Variants in IL1RAPL1 observed in about 807,000 individuals in gnomAD.
IL1RAPL1 encodes interleukin 1 receptor accessory protein like 1, also known as interleukin-1 receptor accessory protein-like 1.
A neutral mutation model predicts 48.4 loss-of-function variants in IL1RAPL1; 3 were observed. That is an observed-to-expected ratio of 0.06 (90% CI 0.03 to 0.16). The LOEUF (loss-of-function observed/expected upper bound fraction) is 0.16. Ranked by LOEUF, IL1RAPL1 falls within the 10% of genes least tolerant of loss-of-function variation. The probability of loss-of-function intolerance (pLI) is 1.00; values close to 1 mark genes in which losing one functional copy is unlikely to be tolerated. For missense variants in IL1RAPL1, 349 were observed against 530.6 expected, an observed-to-expected ratio of 0.66 and a Z score of 3.36; for synonymous variants, 185 against 187.7, an observed-to-expected ratio of 0.99 and a Z score of 0.12.
intron 3 of IL1RAPL1, among the ~76,000 whole-genome samples, chrX:29,324,532 C>G (rs1465593753): frequency 2.7e-5 from 3 of 111,682 alleles, no homozygotes; most frequent in African/African-American, 9.8e-5. Flanking sequence ...CAGGAACTCT[C>G]TCTGGTATGG....
intron 5 of IL1RAPL1, among the ~76,000 whole-genome samples, chrX:29,530,905 G>A (rs1413378901): frequency 8.9e-6 from 1 of 111,975 alleles, no homozygotes; most frequent in South Asian, 3.7e-4. Flanking sequence ...TTATTTGTTC[G>A]AACCTTTGGT....
At position 29,447,743 on chromosome X, in the gene IL1RAPL1, A is replaced by G. The variant is rs771637145; in HGVS notation, c.703+48435A>G. On this transcript the variant is annotated intron_variant, in intron 5 of 10. Coordinates refer to ENST00000378993, the MANE Select transcript of IL1RAPL1 (RefSeq NM_014271.4). Reference sequence around the variant, plus strand: ...GCTCCAATAACACAAATCAGGTTATAGGAAGTATCACCCTGGTACAGAATT... The same window carrying G: ...GCTCCAATAACACAAATCAGGTTATGGGAAGTATCACCCTGGTACAGAATT... Among the ~76,000 whole-genome samples, 9 of 112,527 alleles carry G rather than the reference A, an allele frequency of 8.0e-5. No homozygotes were observed. The South Asian group carries it at 2.9e-3, about 36-fold the overall frequency.
At chrX:28,819,991 T>G (rs1439924417) in intron 2 of IL1RAPL1, among the ~76,000 whole-genome samples, 3 of 79,423 alleles carry the variant, frequency 3.8e-5, no homozygotes, top group South Asian at 1.3e-3. Flanking sequence ...TATATATATA[T>G]ATATATATAT....
At chrX:29,427,240 A>T (rs925316754) in intron 5 of IL1RAPL1, among the ~76,000 whole-genome samples, 1 of 111,700 alleles carries the variant, frequency 9.0e-6, no homozygotes, top group African/African-American at 3.3e-5. Flanking sequence ...ATCAGTAAAG[A>T]AGTAACAGGC....
At chrX:28,676,021 CATT>C (rs1934993035) in intron 1 of IL1RAPL1, among the ~76,000 whole-genome samples, 1 of 111,437 alleles carries the variant, frequency 9.0e-6, no homozygotes, top group African/African-American at 3.3e-5. Context: ...CATTGGTAAT[CATT>C]GTTAAACACA....
chrX:29,920,814 A>AAAAG (rs1932840749), intron 8 of IL1RAPL1, among the ~76,000 whole-genome samples: 2 of 93,881 alleles, frequency 2.1e-5, no homozygotes, highest in South Asian at 4.5e-4. Flanking sequence ...AAAAAAAAAA[A>AAAAG]AAAAGAAAAG....
rs751190769 is a variant in IL1RAPL1 at position 29,466,703 on chromosome X, A to G, written c.703+67395A>G. Among the ~76,000 whole-genome samples the G allele has an allele frequency of 1.3e-4, 15 of 112,281 alleles. No individual in the cohort carries two copies. The South Asian group carries it at 4.1e-3, about 30-fold the overall frequency. On this transcript the variant is annotated intron_variant, in intron 5 of 10. Coordinates refer to ENST00000378993, the MANE Select transcript of IL1RAPL1 (RefSeq NM_014271.4). The stretch of plus-strand genomic sequence containing the variant: ...TCTGTCGCATTTATAGTGACAGCCA[A>G]TTCCCTCAGAGTTACACAGCAGTTG...
chrX:29,137,612 GA>G (rs1308589974), intron 2 of IL1RAPL1, among the ~76,000 whole-genome samples: 1 of 111,959 alleles, frequency 8.9e-6, no homozygotes, highest in East Asian at 2.8e-4. Context: ...ACAGATACCT[GA>G]AAATAGGAAT....
chrX:28,741,319 T>G (rs1216914071), intron 1 of IL1RAPL1, among the ~76,000 whole-genome samples: 2 of 112,111 alleles, frequency 1.8e-5, no homozygotes, highest in South Asian at 3.7e-4. Flanking sequence ...TTCATATGCT[T>G]GTTGGCCATA....
At chrX:29,810,178 T>C (rs188510415) in intron 6 of IL1RAPL1, among the ~76,000 whole-genome samples, 98 of 109,198 alleles carry the variant, frequency 9.0e-4, no homozygotes, top group African/African-American at 3.2e-3. Context: ...ATTATTTATT[T>C]ATTTATTTTT....
chrX:29,081,308 G>A (rs369256564), intron 2 of IL1RAPL1, among the ~76,000 whole-genome samples: 1 of 108,396 alleles, frequency 9.2e-6, no homozygotes, highest in Non-Finnish European at 1.9e-5. Flanking sequence ...CACCCGCCTC[G>A]GCCCCCCAAA....
At chrX:28,794,458 T>C (rs749341013) in intron 2 of IL1RAPL1, among the ~76,000 whole-genome samples, 1 of 111,792 alleles carries the variant, frequency 8.9e-6, no homozygotes, top group South Asian at 3.7e-4. Context: ...GACTTCAGTA[T>C]AGGAAAAAAG....
At chrX:29,535,134 CAAAAAAAAAAAAAAA>C (rs35842937) in intron 5 of IL1RAPL1, among the ~76,000 whole-genome samples, 59 of 22,583 alleles carry the variant, frequency 2.6e-3, no homozygotes, top group Admixed American at 7.6e-3. Context: ...ACTCTGTCTC[CAAAAAAAAAAAAAAA>C]AAAAAAAAAA....
At chrX:29,552,320 C>T (rs1012958538) in intron 5 of IL1RAPL1, among the ~76,000 whole-genome samples, 1 of 111,198 alleles carries the variant, frequency 9.0e-6, no homozygotes, top group Non-Finnish European at 1.9e-5. Context: ...TTCAGCAAAC[C>T]TTCACAGGTG....
At chrX:28,761,692 C>G (rs1326006788) in intron 1 of IL1RAPL1, among the ~76,000 whole-genome samples, 1 of 111,706 alleles carries the variant, frequency 9.0e-6, no homozygotes, top group East Asian at 2.8e-4. Flanking sequence ...ACCCCAGAGT[C>G]ATGCAATGTG....
intron 2 of IL1RAPL1, among the ~76,000 whole-genome samples, chrX:29,195,708 C>T (rs765803196): frequency 9.2e-6 from 1 of 109,270 alleles, no homozygotes; most frequent in Non-Finnish European, 1.9e-5. Flanking sequence ...TACAGACATG[C>T]GCTACCACGA....
At position 29,683,075 on chromosome X, in the gene IL1RAPL1, C is replaced by T. The variant is rs145915568; in HGVS notation, c.778+14571C>T. On this transcript the variant is annotated intron_variant, in intron 6 of 10. Transcript: ENST00000378993. Reference sequence around the variant, plus strand: ...GTCAAGGGTAGAGACTTTTCACTGGCGTCTTGAGTTTCAGGCAGATCTCTA... The same window carrying T: ...GTCAAGGGTAGAGACTTTTCACTGGTGTCTTGAGTTTCAGGCAGATCTCTA... Among the ~76,000 whole-genome samples, 269 of 112,048 alleles carry T rather than the reference C, an allele frequency of 2.4e-3. 1 individual carries two copies. Among genetic ancestry groups the T allele is most frequent in the Non-Finnish European group, 4.5e-3 (240 of 53,147 alleles).
At chrX:28,594,228 G>T (rs1357162362) in intron 1 of IL1RAPL1, among the ~76,000 whole-genome samples, 1 of 111,390 alleles carries the variant, frequency 9.0e-6, no homozygotes, top group African/African-American at 3.3e-5. Flanking sequence ...GCGTATGGTG[G>T]TGGTTTGTGG....
chrX:29,784,828 C>T (rs1365251835), intron 6 of IL1RAPL1, among the ~76,000 whole-genome samples: 1 of 111,602 alleles, frequency 9.0e-6, no homozygotes, highest in African/African-American at 3.3e-5. Context: ...TCTCCTCTTG[C>T]ATTTGTGGCA....
Sources: gnomAD v4.1 joint callset for allele counts (sites outside exome capture counted in the v4.1 genomes callset) on GRCh38, gnomAD v4.1.1 for gene constraint, MANE v1.5 for transcripts, NCBI Gene and HGNC (gene_info 2026-07-23, HGNC 2026-07-21) for gene names.